The following CYP19A1 variants were observed in gnomAD, a reference collection of about 807,000 sequenced individuals.
CYP19A1 encodes aromatase.
In CYP19A1, 32 loss-of-function variants were observed where a neutral mutation model predicts 44.4. The observed-to-expected ratio is 0.72, with a 90% CI of 0.54 to 0.97. The LOEUF (loss-of-function observed/expected upper bound fraction) is 0.97, where lower values mean the gene tolerates loss of function less well. Among genes scored for constraint, CYP19A1 ranks in the 50% least tolerant of loss-of-function variants. The probability of loss-of-function intolerance (pLI) is 0.00; values close to 1 mark genes in which losing one functional copy is unlikely to be tolerated. For missense variants in CYP19A1, 598 were observed against 637.8 expected, an observed-to-expected ratio of 0.94 and a Z score of 0.67; for synonymous variants, 212 against 215.6, an observed-to-expected ratio of 0.98 and a Z score of 0.14.
chr15:51,258,606 C>T (rs1351301016), intron 1 of CYP19A1, among the ~76,000 whole-genome samples: 1 of 148,352 alleles, frequency 6.7e-6, no homozygotes, highest in Non-Finnish European at 1.5e-5. Flanking sequence ...AAAGGCCCTC[C>T]TTCAGCAGAG....
chr15:51,248,935 T>TC (rs1226046962), intron 1 of CYP19A1, among the ~76,000 whole-genome samples: 7 of 142,412 alleles, frequency 4.9e-5, no homozygotes, highest in African/African-American at 1.1e-4. Flanking sequence ...AAATTCATCT[T>TC]TTTTTTTTTT....
At chr15:51,308,831 C>T (rs1339982754) in intron 1 of CYP19A1, among the ~76,000 whole-genome samples, 1 of 152,166 alleles carries the variant, frequency 6.6e-6, no homozygotes, top group Non-Finnish European at 1.5e-5. Context: ...ATCACACAGG[C>T]CTGCTGGATT....
intron 1 of CYP19A1, among the ~76,000 whole-genome samples, chr15:51,264,115 G>C (rs2034830176): frequency 6.6e-6 from 1 of 152,182 alleles, no homozygotes; most frequent in African/African-American, 2.4e-5. Flanking sequence ...GGGACCATTG[G>C]CTTGGAAATC....
In CYP19A1 at chr15:51,270,511, C is replaced by T. The variant is rs139987164; in HGVS notation, c.-38-27561G>A. Among the ~76,000 whole-genome samples, 37 of 152,244 alleles carry T rather than the reference C, an allele frequency of 2.4e-4. No individual in the cohort carries two copies. The East Asian group carries it at 6.9e-3, about 29-fold the overall frequency. On this transcript the variant is annotated intron_variant, in intron 1 of 9. Transcript: ENST00000396402. ...AAGTTGCTGAAGAAATCTCATACTC[C>T]AAGTAACACAGTATAACCAGCCACT...
intron 1 of CYP19A1, chr15:51,255,762 C>G (rs571881224): frequency 2.6e-5 from 4 of 152,294 alleles, no homozygotes; most frequent in African/African-American, 7.2e-5. Flanking sequence ...TTTCCACATG[C>G]TAGGATATGA....
At chr15:51,227,473 C>A (rs531840779) in intron 4 of CYP19A1, among the ~76,000 whole-genome samples, 9 of 152,004 alleles carry the variant, frequency 5.9e-5, no homozygotes, top group African/African-American at 1.9e-4. Context: ...TTGAGCCCAG[C>A]CTGGTCTCAA....
intron 1 of CYP19A1, chr15:51,315,709 C>T (rs2036413256): frequency 6.6e-6 from 1 of 152,224 alleles, no homozygotes; most frequent in South Asian, 2.1e-4. Context: ...CCTGGATCTC[C>T]CTTCAGTGCC....
intron 1 of CYP19A1, among the ~76,000 whole-genome samples, chr15:51,292,521 G>A (rs1025647543): frequency 3.9e-5 from 6 of 152,250 alleles, no homozygotes; most frequent in African/African-American, 1.4e-4. Context: ...AATCATCTCT[G>A]TCACAGGTTT....
At chr15:51,227,343 C>T (rs762779508) in intron 4 of CYP19A1, among the ~76,000 whole-genome samples, 1 of 152,074 alleles carries the variant, frequency 6.6e-6, no homozygotes, top group Admixed American at 6.5e-5. Flanking sequence ...TGAATGTTAG[C>T]TCTTCCTCCT....
chr15:51,275,613 G>T (rs2035280426), intron 1 of CYP19A1, among the ~76,000 whole-genome samples: 1 of 152,202 alleles, frequency 6.6e-6, no homozygotes, highest in Non-Finnish European at 1.5e-5. Context: ...TTGCTGTAAA[G>T]GTTAAGCAAA....
chr15:51,215,871 A>T (rs2031523852), intron 6 of CYP19A1, 54 bp from the exon 7 acceptor site: 1 of 1,608,036 alleles, frequency 6.2e-7, no homozygotes, highest in Non-Finnish European at 8.5e-7. Context: ...ACATCTAGCG[A>T]AACAGATTTA....
intron 1 of CYP19A1, among the ~76,000 whole-genome samples, chr15:51,282,953 A>C (rs2035576429): frequency 6.6e-6 from 1 of 152,208 alleles, no homozygotes; most frequent in South Asian, 2.1e-4. Flanking sequence ...AGTACGGTAA[A>C]GGAGTTTTGC....
chr15:51,284,910 G>C (rs918961159), intron 1 of CYP19A1, among the ~76,000 whole-genome samples: 1 of 152,158 alleles, frequency 6.6e-6, no homozygotes. Flanking sequence ...AGCATCTAGC[G>C]GACCCACCTG....
chr15:51,253,317 G>T (rs72547492), intron 1 of CYP19A1, among the ~76,000 whole-genome samples: 1 of 152,186 alleles, frequency 6.6e-6, no homozygotes, highest in African/African-American at 2.4e-5. Flanking sequence ...CAGTCCCTGG[G>T]GTAGCTGGAA....
chr15:51,297,868 A>C (rs1031233519), intron 1 of CYP19A1, among the ~76,000 whole-genome samples: 65 of 146,790 alleles, frequency 4.4e-4, no homozygotes, highest in South Asian at 1.5e-3. Context: ...ACACACACAC[A>C]CCCTAGGCCT....
intron 1 of CYP19A1, among the ~76,000 whole-genome samples, chr15:51,330,500 CT>C (rs1270552999): frequency 6.6e-6 from 1 of 152,236 alleles, no homozygotes; most frequent in Non-Finnish European, 1.5e-5. Flanking sequence ...GTACCTTCTT[CT>C]GTCGTACATG....
At chr15:51,214,938 G>T (rs2031416561) in intron 8 of CYP19A1, 132 bp downstream of exon 8, 5 of 1,388,494 alleles carry the variant, frequency 3.6e-6, no homozygotes, top group African/African-American at 1.4e-5. Context: ...AAATGTGACA[G>T]AATGTCTTGC....
chr15:51,241,158 C>T (rs2033739716), intron 2 of CYP19A1, among the ~76,000 whole-genome samples: 1 of 152,236 alleles, frequency 6.6e-6, no homozygotes, highest in Non-Finnish European at 1.5e-5. Context: ...GTGCTGCCTA[C>T]TCTCCCACTG....
intron 1 of CYP19A1, among the ~76,000 whole-genome samples, chr15:51,300,790 G>A (rs1311984625): frequency 1.3e-5 from 2 of 152,190 alleles, no homozygotes; most frequent in East Asian, 1.9e-4. Flanking sequence ...GAGGATCCCT[G>A]TTCATGCAAA....
Sources: gnomAD v4.1 joint callset for allele counts (sites outside exome capture counted in the v4.1 genomes callset) on GRCh38, gnomAD v4.1.1 for gene constraint, MANE v1.5 for transcripts, NCBI Gene and HGNC (gene_info 2026-07-23, HGNC 2026-07-21) for gene names.